Variants in ZFHX3 observed in about 807,000 individuals in gnomAD.
The protein encoded by ZFHX3 is zinc finger homeobox 3.
In ZFHX3, 42 loss-of-function variants were observed where a neutral mutation model predicts 279.1. The observed-to-expected ratio is 0.15, with a 90% CI of 0.12 to 0.19. ZFHX3 has a LOEUF of 0.19. ZFHX3 is among the 10% of genes least tolerant of loss of function. The pLI, the probability that ZFHX3 is intolerant of heterozygous loss-of-function variation, is 1.00. For missense variants in ZFHX3, 4,981 were observed against 4,754.0 expected (o/e 1.05, Z -1.40); for synonymous variants, 2,293 against 1,957.8 (o/e 1.17, Z -4.52).
intron 5 of ZFHX3, among the ~76,000 whole-genome samples, chr16:72,812,409 A>G (rs900478585): frequency 6.6e-6 from 1 of 152,156 alleles, no homozygotes; most frequent in Non-Finnish European, 1.5e-5. Context: ...AGTCTCACCA[A>G]TTGCTTTGCC....
chr16:72,916,066 C>T (rs2039434519), intron 3 of ZFHX3, among the ~76,000 whole-genome samples: 3 of 152,250 alleles, frequency 2.0e-5, no homozygotes, highest in South Asian at 2.1e-4. Flanking sequence ...GAATAGTATA[C>T]GTGGCAAAAA....
chr16:73,810,383 T>G (rs540694268), intron 1 of ZFHX3, among the ~76,000 whole-genome samples: 6 of 152,204 alleles, frequency 3.9e-5, no homozygotes, highest in Non-Finnish European at 8.8e-5. Flanking sequence ...CAAATAAAGG[T>G]TCTTTAAAAA....
chr16:73,052,678 A>G (rs1249292358), upstream of ZFHX3, among the ~76,000 whole-genome samples: 1 of 152,218 alleles, frequency 6.6e-6, no homozygotes, highest in African/African-American at 2.4e-5. Context: ...TCTGCAGACA[A>G]ATAGAAACTG....
At chr16:73,461,614 G>A (rs931393622) in intron 2 of ZFHX3, among the ~76,000 whole-genome samples, 3 of 152,196 alleles carry the variant, frequency 2.0e-5, no homozygotes, top group Non-Finnish European at 4.4e-5. Context: ...GGAAGTCCAC[G>A]TATACAAGCA....
intron 2 of ZFHX3, among the ~76,000 whole-genome samples, chr16:73,577,343 T>C (rs2051810934): frequency 6.6e-6 from 1 of 152,190 alleles, no homozygotes. Flanking sequence ...TGGCACACGG[T>C]CCTGGTTCTA....
chr16:73,743,407 G>A (rs1018416151), intron 1 of ZFHX3, among the ~76,000 whole-genome samples: 3 of 152,126 alleles, frequency 2.0e-5, no homozygotes, highest in Non-Finnish European at 4.4e-5. Flanking sequence ...ATATTTGAAC[G>A]CTTATGGAAG....
At chr16:73,464,540 A>C (rs2018528437) in intron 2 of ZFHX3, among the ~76,000 whole-genome samples, 1 of 143,222 alleles carries the variant, frequency 7.0e-6, no homozygotes, top group Non-Finnish European at 1.5e-5. Context: ...TTAAGCTTCC[A>C]ATCGGTTCTT....
At chr16:73,655,436 G>A (rs2052713055) in intron 2 of ZFHX3, among the ~76,000 whole-genome samples, 1 of 152,104 alleles carries the variant, frequency 6.6e-6, no homozygotes, top group African/African-American at 2.4e-5. Context: ...CAAGTCCCCT[G>A]ATGCAAAATT....
chr16:73,648,744 T>C (rs1223181103), intron 2 of ZFHX3, among the ~76,000 whole-genome samples: 2 of 152,176 alleles, frequency 1.3e-5, no homozygotes, highest in Non-Finnish European at 2.9e-5. Context: ...TATTATAATT[T>C]GCTTTGCCCC....
chr16:72,989,680 G>A (rs1004690814), intron 1 of ZFHX3, among the ~76,000 whole-genome samples: 1 of 152,144 alleles, frequency 6.6e-6, no homozygotes, highest in African/African-American at 2.4e-5. Context: ...GGAAGAATAT[G>A]GGCCAAATGA....
intron 5 of ZFHX3, among the ~76,000 whole-genome samples, chr16:73,210,474 G>T: frequency 6.6e-6 from 1 of 152,162 alleles, no homozygotes. Context: ...CTTATCAAGA[G>T]TGTGTGAATA....
chr16:73,105,297 A>G (rs1027201648), intron 7 of ZFHX3, among the ~76,000 whole-genome samples: 1 of 148,470 alleles, frequency 6.7e-6, no homozygotes, highest in Admixed American at 6.9e-5. Flanking sequence ...ACACATACAT[A>G]TATATACATA....
chr16:73,454,689 C>T (rs1484039976), intron 3 of ZFHX3, among the ~76,000 whole-genome samples: 1 of 151,968 alleles, frequency 6.6e-6, no homozygotes, highest in Admixed American at 6.6e-5. Flanking sequence ...TAGGGTATCA[C>T]CCCCCTCTCC....
rs140219846 is a variant in ZFHX3 at position 73,120,649 on chromosome 16, C to CTTTT, written c.-897+10318_-897+10319insAAAA. Among the ~76,000 whole-genome samples, 43 of 106,206 alleles carry CTTTT rather than the reference C, an allele frequency of 4.0e-4. 9 individuals carry two copies. The highest frequency in any genetic ancestry group is 5.2e-4 in the African/African-American group (15 of 28,692). 69.7% of individuals were successfully genotyped at this position (106,206 alleles called of 152,430 possible). ...TTGTTTTTCTGCCCTATCCTCTCTA[C>CTTTT]CTTTTTTTTTTTTTTTTTTTTTTGA... On this transcript the variant is annotated intron_variant, in intron 7 of 17. Transcript: ENST00000641206.
chr16:73,742,260 T>C (rs1206626735), intron 1 of ZFHX3, among the ~76,000 whole-genome samples: 1 of 152,058 alleles, frequency 6.6e-6, no homozygotes, highest in Non-Finnish European at 1.5e-5. Flanking sequence ...AGTTCACCCA[T>C]TTTAAACACC....
chr16:73,817,910 G>T (rs188587640), intron 1 of ZFHX3, among the ~76,000 whole-genome samples: 70 of 152,286 alleles, frequency 4.6e-4, no homozygotes, highest in African/African-American at 1.5e-3. Context: ...CCCTCAAAGT[G>T]CCAAGGGTTA....
At chr16:73,710,414 C>A (rs1403321714) in intron 1 of ZFHX3, among the ~76,000 whole-genome samples, 1 of 152,142 alleles carries the variant, frequency 6.6e-6, no homozygotes, top group African/African-American at 2.4e-5. Flanking sequence ...TTTTCACCCC[C>A]AAATCTGTCT....
chr16:73,328,706 G>A (rs758021810), intron 3 of ZFHX3, among the ~76,000 whole-genome samples: 2 of 152,192 alleles, frequency 1.3e-5, no homozygotes, highest in Non-Finnish European at 2.9e-5. Context: ...GACATAAGAG[G>A]AGACTTGTAA....
At chr16:73,630,055 ACT>A (rs563399272) in intron 2 of ZFHX3, among the ~76,000 whole-genome samples, 3 of 150,972 alleles carry the variant, frequency 2.0e-5, no homozygotes, top group South Asian at 2.1e-4. Flanking sequence ...AGACTCAACC[ACT>A]CTCTCTCTCT....
Sources: allele counts gnomAD v4.1 joint callset (sites outside exome capture counted in the v4.1 genomes callset), GRCh38; gene constraint gnomAD v4.1.1; transcripts MANE v1.5; gene names NCBI Gene and HGNC (gene_info 2026-07-23, HGNC 2026-07-21).